Variants in MYOM1 observed in about 807,000 individuals in gnomAD.
MYOM1 encodes the protein myomesin-1.
MYOM1 carries 164 observed loss-of-function variants against 205.3 expected under a neutral mutation model. The ratio of observed to expected loss-of-function variants is 0.80; its 90% CI spans 0.70 to 0.91. The LOEUF is 0.91. Ranked by LOEUF, MYOM1 falls within the 40% of genes least tolerant of loss-of-function variation. The pLI is 0.00. For missense variants in MYOM1, 2,011 were observed against 2,127.3 expected (o/e 0.95, Z 1.08); for synonymous variants, 772 against 789.4 (o/e 0.98, Z 0.37).
chr18:3,074,776 T>C (rs1057013731), intron 36 of MYOM1, among the ~76,000 whole-genome samples: 4 of 152,188 alleles, frequency 2.6e-5, no homozygotes, highest in Admixed American at 2.6e-4. Flanking sequence ...TTACTTGATA[T>C]CAAATTTACA....
At chr18:3,177,696 C>T (rs1037343742) in intron 5 of MYOM1, among the ~76,000 whole-genome samples, 1 of 152,080 alleles carries the variant, frequency 6.6e-6, no homozygotes, top group Non-Finnish European at 1.5e-5. Flanking sequence ...TGATCTCGAA[C>T]CCCTGACCTC....
intron 25 of MYOM1, among the ~76,000 whole-genome samples, chr18:3,099,294 C>T (rs1015418712): frequency 1.1e-4 from 17 of 152,186 alleles, no homozygotes; most frequent in Non-Finnish European, 2.1e-4. Flanking sequence ...GAAGGATACT[C>T]TTCCTAGAAA....
intron 37 of MYOM1, 25 bp downstream of exon 37, chr18:3,071,809 A>G (rs900458971): frequency 1.9e-6 from 3 of 1,585,428 alleles, no homozygotes; most frequent in Non-Finnish European, 2.6e-6. Flanking sequence ...CAGAAGGAGC[A>G]GGCACAGGCA....
intron 2 of MYOM1, among the ~76,000 whole-genome samples, chr18:3,204,179 T>C (rs1159284673): frequency 6.6e-6 from 1 of 152,040 alleles, no homozygotes; most frequent in African/African-American, 2.4e-5. Context: ...TGCTTTCCTC[T>C]TAAGACTGAA....
intron 20 of MYOM1, among the ~76,000 whole-genome samples, chr18:3,118,593 C>T (rs2079640138): frequency 6.6e-6 from 1 of 152,122 alleles, no homozygotes; most frequent in Non-Finnish European, 1.5e-5. Context: ...CTCAGCCTCC[C>T]AAAGCACTGG....
intron 2 of MYOM1, among the ~76,000 whole-genome samples, chr18:3,196,096 TAAAATA>T (rs1226169972): frequency 6.6e-6 from 1 of 152,222 alleles, no homozygotes; most frequent in Non-Finnish European, 1.5e-5. Flanking sequence ...AATTAGGTGT[TAAAATA>T]CAATGCAAAC....
chr18:3,162,688 C>T (rs954347078), intron 10 of MYOM1, among the ~76,000 whole-genome samples: 10 of 152,148 alleles, frequency 6.6e-5, no homozygotes, highest in African/African-American at 2.4e-4. Flanking sequence ...GCTAGGATCC[C>T]GTGGAGGAAT....
At chr18:3,078,588 C>T (rs1159702323) in intron 34 of MYOM1, among the ~76,000 whole-genome samples, 1 of 152,114 alleles carries the variant, frequency 6.6e-6, no homozygotes, top group Non-Finnish European at 1.5e-5. Context: ...TGCTACCACA[C>T]TTGGCTAATT....
intron 24 of MYOM1, 35 bp from the exon 25 acceptor site, chr18:3,100,238 A>G: frequency 6.2e-7 from 1 of 1,613,798 alleles, no homozygotes; most frequent in Non-Finnish European, 8.5e-7. Context: ...TAAACCTTAA[A>G]CTACTAAAAT....
At chr18:3,232,462 G>A in the MYOM1 span, among the ~76,000 whole-genome samples, 2 of 152,270 alleles carry the variant, frequency 1.3e-5, no homozygotes, top group Non-Finnish European at 1.5e-5. Flanking sequence ...GGGGACAGGT[G>A]GGAAGACTTG....
At chr18:3,186,238 G>T (rs1307855692) in intron 5 of MYOM1, among the ~76,000 whole-genome samples, 1 of 151,960 alleles carries the variant, frequency 6.6e-6, no homozygotes, top group Non-Finnish European at 1.5e-5. Context: ...GAGTTAATTG[G>T]GTTTATCTTG....
Position 3,125,623 on chromosome 18 carries a change from A to C in MYOM1, c.2991+1078T>G, listed in dbSNP as rs543265973. 5.3e-5 allele frequency among the ~76,000 whole-genome samples: 8 copies of C among 152,142 alleles called. No homozygotes were observed. The East Asian group carries it at 1.5e-3, about 29-fold the overall frequency. On this transcript the variant is annotated intron_variant, in intron 19 of 37. Coordinates refer to ENST00000356443, the MANE Select transcript of MYOM1 (RefSeq NM_003803.4). The stretch of plus-strand genomic sequence containing the variant: ...CTCAGCATGTGTGTGATATTTCATA[A>C]ATTTCAAATGTTAAATTAAAAGAGC...
Position 3,189,141 on chromosome 18 carries a change from G to A in MYOM1, c.432-54C>T, listed in dbSNP as rs561890697. On this transcript the variant is annotated intron_variant, in intron 3 of 37. Coordinates refer to ENST00000356443, the MANE Select transcript of MYOM1 (RefSeq NM_003803.4). The surrounding 1 kb of genome is among the most constrained non-coding windows in gnomAD (Gnocchi z 4.8). ...TGTTGTGGATGGCAGTGATAAGATT[G>A]AGTAATTTTACTAAGTTCAAAGTAC... is the stretch of plus-strand genomic sequence containing the variant. 6.1e-5 allele frequency: 93 copies of A among 1,521,594 alleles called. No individual in the cohort carries two copies. In the African/African-American group the frequency reaches 1.2e-3, roughly 20 times the overall value. The allele number at this position is 1,521,594 out of a possible 1,614,324, so 94.3% of individuals were successfully genotyped here.
intron 2 of MYOM1, among the ~76,000 whole-genome samples, chr18:3,195,445 G>C (rs1285848985): frequency 6.6e-6 from 1 of 152,186 alleles, no homozygotes; most frequent in East Asian, 1.9e-4. Flanking sequence ...ACCCCGGCAG[G>C]TCACAAAGTA....
intron 5 of MYOM1, among the ~76,000 whole-genome samples, chr18:3,183,246 C>T (rs752220440): frequency 3.9e-5 from 6 of 152,178 alleles, no homozygotes; most frequent in Non-Finnish European, 8.8e-5. Flanking sequence ...AACTTTTCTA[C>T]CGAGGCCAGT....
Position 3,189,999 on chromosome 18 carries a change from G to A in MYOM1, c.432-912C>T, listed in dbSNP as rs1183282220. Among the ~76,000 whole-genome samples the A allele has an allele frequency of 6.6e-6, 1 of 152,122 alleles. No homozygotes were observed. The highest frequency in any genetic ancestry group is 1.5e-5 in the Non-Finnish European group (1 of 68,010). ...TTCTAAGATAATACATGTTGTGTGT[G>A]CATATACTATGTGTGTACCTATACT... On this transcript the variant is annotated intron_variant, in intron 3 of 37. Transcript: ENST00000356443. This position sits in a 1 kb window ranked among gnomAD's most constrained non-coding sequence, Gnocchi z 4.8.
At chr18:3,175,984 G>T in intron 6 of MYOM1, 58 bp downstream of exon 6, 2 of 1,045,794 alleles carry the variant, frequency 1.9e-6, no homozygotes, top group East Asian at 2.4e-5. Flanking sequence ...TTAACTGCAG[G>T]GGTGAGAAGC....
intron 2 of MYOM1, among the ~76,000 whole-genome samples, chr18:3,208,568 T>G (rs891766718): frequency 2.6e-5 from 4 of 152,170 alleles, no homozygotes; most frequent in Non-Finnish European, 5.9e-5. Context: ...AAAGTAACTC[T>G]CTGGCTTTTC....
In MYOM1 at chr18:3,189,508, G is replaced by C. The variant is rs1219994217; in HGVS notation, c.432-421C>G. On this transcript the variant is annotated intron_variant, in intron 3 of 37. Coordinates refer to ENST00000356443, the MANE Select transcript of MYOM1 (RefSeq NM_003803.4). The surrounding 1 kb of genome is among the most constrained non-coding windows in gnomAD (Gnocchi z 4.8). ...CAAGGAGCTGGGATTACAGGCTCCT[G>C]CTACCATGCCTGGCTAATATTTTGT... is the stretch of plus-strand genomic sequence containing the variant. Among the ~76,000 whole-genome samples the C allele has an allele frequency of 6.6e-6, 1 of 151,974 alleles. No individual in the cohort carries two copies. The highest frequency in any genetic ancestry group is 1.5e-5 in the Non-Finnish European group (1 of 67,988).
Sources: gnomAD v4.1 joint callset for allele counts (sites outside exome capture counted in the v4.1 genomes callset) on GRCh38, gnomAD v4.1.1 for gene constraint, Gnocchi (gnomAD v3.1) non-coding constraint, MANE v1.5 for transcripts, NCBI Gene and HGNC (gene_info 2026-07-23, HGNC 2026-07-21) for gene names.